The following CNTNAP2 variants were observed in gnomAD, a reference collection of about 807,000 sequenced individuals.
CNTNAP2 encodes the protein contactin-associated protein-like 2.
In CNTNAP2, 98 loss-of-function variants were observed where a neutral mutation model predicts 155.2. That is an observed-to-expected ratio of 0.63 (90% confidence interval 0.54 to 0.75). The LOEUF (loss-of-function observed/expected upper bound fraction) is 0.75. Ranked by LOEUF, CNTNAP2 falls within the 30% of genes least tolerant of loss-of-function variation. The pLI is 0.00. For missense variants in CNTNAP2, 1,727 were observed against 1,688.1 expected (o/e 1.02, Z -0.40); for synonymous variants, 651 against 631.2 (o/e 1.03, Z -0.47).
intron 18 of CNTNAP2, among the ~76,000 whole-genome samples, chr7:148,175,648 AC>A (rs1483842080): frequency 6.6e-6 from 1 of 152,170 alleles, no homozygotes; most frequent in East Asian, 1.9e-4. Flanking sequence ...CACTAGTATC[AC>A]ACTCAGCTAT....
At chr7:148,411,784 G>GA (rs35153722) in intron 23 of CNTNAP2, among the ~76,000 whole-genome samples, 37,641 of 144,214 alleles carry the variant, frequency 0.26, 5,661 homozygotes, top group Non-Finnish European at 0.34. Flanking sequence ...ACCATTTGTT[G>GA]AAAAAAAAAA....
At chr7:146,233,873 C>T (rs1799427579) in intron 1 of CNTNAP2, among the ~76,000 whole-genome samples, 1 of 150,468 alleles carries the variant, frequency 6.6e-6, no homozygotes, top group Non-Finnish European at 1.5e-5. Flanking sequence ...CATTGTTGGA[C>T]ATTTGGGTTG....
chr7:146,777,620 G>C (rs1342700046), intron 2 of CNTNAP2, among the ~76,000 whole-genome samples: 1 of 151,506 alleles, frequency 6.6e-6, no homozygotes, highest in Admixed American at 6.6e-5. Flanking sequence ...CTGGAGTGCA[G>C]TGGCATGATC....
chr7:147,366,212 T>G (rs1796226858), intron 9 of CNTNAP2, among the ~76,000 whole-genome samples: 1 of 152,170 alleles, frequency 6.6e-6, no homozygotes, highest in African/African-American at 2.4e-5. Context: ...AAATTTTACA[T>G]AAAGTTCATA....
intron 3 of CNTNAP2, among the ~76,000 whole-genome samples, chr7:146,992,106 G>A (rs1175505575): frequency 6.6e-6 from 1 of 152,098 alleles, no homozygotes; most frequent in African/African-American, 2.4e-5. Flanking sequence ...ATTATGGAAT[G>A]ACTGTGTAGC....
rs868241984 is a variant in CNTNAP2 at position 147,132,397 on chromosome 7, C to T, written c.1236C>T (p.Phe412=). ...GGAACCCCAATGGTCTCCTGGTCTTCAGTCACTTTGCGGATAATTTGGGCA... is the reference window on the plus strand; with the variant it reads ...GGAACCCCAATGGTCTCCTGGTCTTTAGTCACTTTGCGGATAATTTGGGCA... ...RTWNPNGLLV[F]SHFADNLGNV... The change falls in exon 8 of 24, where the codon TTC becomes TTT. Residue 412 remains phenylalanine (F), a synonymous_variant. Transcript: ENST00000361727. 1 of 1,613,708 alleles carries T rather than the reference C, an allele frequency of 6.2e-7. No homozygotes were observed. Among genetic ancestry groups the T allele is most frequent in the African/African-American group, 1.3e-5 (1 of 74,992 alleles).
intron 1 of CNTNAP2, among the ~76,000 whole-genome samples, chr7:146,697,538 C>T (rs901552470): frequency 2.0e-4 from 31 of 152,120 alleles, no homozygotes; most frequent in Admixed American, 4.6e-4. Context: ...CACGCTTGGC[C>T]CTTATTTTAA....
intron 13 of CNTNAP2, among the ~76,000 whole-genome samples, chr7:147,738,354 A>T (rs1278545504): frequency 6.6e-6 from 1 of 152,222 alleles, no homozygotes; most frequent in African/African-American, 2.4e-5. Flanking sequence ...AGCATCACAC[A>T]TTACAGAAAA....
chr7:146,553,826 A>G (rs1798156527), intron 1 of CNTNAP2, among the ~76,000 whole-genome samples: 1 of 152,136 alleles, frequency 6.6e-6, no homozygotes, highest in Non-Finnish European at 1.5e-5. Context: ...TCACTTCCAT[A>G]ATAGAAGTGA....
Position 147,775,280 on chromosome 7 carries a change from TATAA to T in CNTNAP2, c.2099-128281_2099-128278del, listed in dbSNP as rs1364536679. Among the ~76,000 whole-genome samples, 121 of 99,000 alleles carry T rather than the reference TATAA, an allele frequency of 1.2e-3. 5 individuals carry two copies. Among genetic ancestry groups the T allele is most frequent in the African/African-American group, 4.3e-3 (95 of 22,202 alleles). The allele number at this position is 99,000 out of a possible 152,430, so 64.9% of individuals were successfully genotyped here. On this transcript the variant is annotated intron_variant, in intron 13 of 23. Coordinates refer to ENST00000361727, the MANE Select transcript of CNTNAP2 (RefSeq NM_014141.6). ...TTATAAATATATTTATATATATATTTATAAATATATATATTTATATATATTTATA... is the reference window on the plus strand; with the variant it reads ...TTATAAATATATTTATATATATATTTATATATATATTTATATATATTTATA...
At chr7:148,065,069 G>A (rs1432766294) in intron 15 of CNTNAP2, among the ~76,000 whole-genome samples, 1 of 152,136 alleles carries the variant, frequency 6.6e-6, no homozygotes, top group Non-Finnish European at 1.5e-5. Flanking sequence ...TCAGGAACAG[G>A]TTATTTAATT....
At chr7:147,784,258 C>T (rs1051309416) in intron 13 of CNTNAP2, among the ~76,000 whole-genome samples, 4 of 150,834 alleles carry the variant, frequency 2.7e-5, no homozygotes, top group Non-Finnish European at 3.0e-5. Context: ...AGAACTTCAA[C>T]GTAAAAATTT....
chr7:147,999,971 T>A (rs1027633193), intron 15 of CNTNAP2, among the ~76,000 whole-genome samples: 1 of 152,150 alleles, frequency 6.6e-6, no homozygotes, highest in Non-Finnish European at 1.5e-5. Flanking sequence ...TTCTGTTGAT[T>A]TGAGCCACCC....
At chr7:146,848,174 A>G (rs1222800890) in intron 3 of CNTNAP2, among the ~76,000 whole-genome samples, 1 of 152,190 alleles carries the variant, frequency 6.6e-6, no homozygotes, top group African/African-American at 2.4e-5. Flanking sequence ...TCTACAGTTT[A>G]GGAAGACTCA....
chr7:147,766,804 G>T (rs1480914867), intron 13 of CNTNAP2, among the ~76,000 whole-genome samples: 2 of 151,980 alleles, frequency 1.3e-5, no homozygotes, highest in African/African-American at 2.4e-5. Flanking sequence ...ACTATATCTT[G>T]TTCTTTCTCC....
intron 13 of CNTNAP2, among the ~76,000 whole-genome samples, chr7:147,740,914 A>T (rs1289882518): frequency 1.3e-5 from 2 of 151,366 alleles, no homozygotes; most frequent in Non-Finnish European, 1.5e-5. Context: ...GATCTCAGCC[A>T]GTCCCTCAGG....
chr7:147,692,510 C>G (rs1325036363), intron 13 of CNTNAP2, among the ~76,000 whole-genome samples: 2 of 152,102 alleles, frequency 1.3e-5, no homozygotes, highest in Non-Finnish European at 2.9e-5. Context: ...ACATTCTTGG[C>G]AGCATTTCGT....
At chr7:147,052,678 A>C (rs910023984) in intron 4 of CNTNAP2, among the ~76,000 whole-genome samples, 1 of 151,904 alleles carries the variant, frequency 6.6e-6, no homozygotes, top group Non-Finnish European at 1.5e-5. Context: ...AGGCTGCTTC[A>C]TGGGTTATGT....
intron 14 of CNTNAP2, among the ~76,000 whole-genome samples, chr7:147,918,153 T>A (rs1389580423): frequency 6.6e-6 from 1 of 152,202 alleles, no homozygotes; most frequent in Non-Finnish European, 1.5e-5. Context: ...ATTAGATGCC[T>A]GGGTATCTGA....
Sources: allele counts gnomAD v4.1 joint callset (sites outside exome capture counted in the v4.1 genomes callset), GRCh38; gene constraint gnomAD v4.1.1; transcripts MANE v1.5; gene names NCBI Gene and HGNC (gene_info 2026-07-23, HGNC 2026-07-21).